The following UEVLD variants were observed in gnomAD, a reference collection of about 807,000 sequenced individuals.
The protein encoded by UEVLD is ubiquitin-conjugating enzyme E2 variant 3.
A neutral mutation model predicts 58.6 loss-of-function variants in UEVLD; 47 were observed. The observed-to-expected ratio is 0.80, with a 90% confidence interval of 0.63 to 1.02. The LOEUF (loss-of-function observed/expected upper bound fraction) is 1.02. Ranked by LOEUF, UEVLD falls within the 50% of genes least tolerant of loss-of-function variation. The pLI, the probability that UEVLD is intolerant of heterozygous loss-of-function variation, is 0.00. For missense variants in UEVLD, 510 were observed against 550.6 expected, an observed-to-expected ratio of 0.93 and a Z score of 0.74; for synonymous variants, 197 against 195.3, an observed-to-expected ratio of 1.01 and a Z score of -0.07.
chr11:18,535,211 T>A (rs1300602646), intron 10 of UEVLD, among the ~76,000 whole-genome samples: 2 of 152,208 alleles, frequency 1.3e-5, no homozygotes, highest in Non-Finnish European at 2.9e-5. Flanking sequence ...CTCAAACTCC[T>A]GGGCTCAACT....
chr11:18,557,084 C>T (rs749812869), intron 7 of UEVLD, among the ~76,000 whole-genome samples: 1 of 141,078 alleles, frequency 7.1e-6, no homozygotes, highest in Non-Finnish European at 1.5e-5. Context: ...GAGTGAAACC[C>T]CGACTCAAAA....
intron 6 of UEVLD, among the ~76,000 whole-genome samples, chr11:18,561,952 T>C (rs1852057309): frequency 4.6e-5 from 7 of 151,898 alleles, no homozygotes; most frequent in Admixed American, 4.6e-4. Flanking sequence ...CTAATAAGCA[T>C]TGTGTAAAGG....
At chr11:18,533,415 T>C (rs992955715) in intron 11 of UEVLD, among the ~76,000 whole-genome samples, 2 of 150,528 alleles carry the variant, frequency 1.3e-5, no homozygotes, top group African/African-American at 2.4e-5. Context: ...AGTGAGAATA[T>C]GTGATATTTG....
At chr11:18,557,585 A>G (rs548098054) in intron 7 of UEVLD, among the ~76,000 whole-genome samples, 8 of 141,470 alleles carry the variant, frequency 5.7e-5, no homozygotes, top group Non-Finnish European at 1.2e-4. Context: ...CAGGGTCTCG[A>G]TATGTTGCTC....
chr11:18,536,527 G>A, intron 9 of UEVLD, 58 bp from the exon 10 acceptor site: 1 of 1,410,992 alleles, frequency 7.1e-7, no homozygotes, highest in Admixed American at 1.7e-5. Context: ...ATTAAGATGT[G>A]ATAACAGATC....
chr11:18,551,518 G>A (rs988938394), intron 7 of UEVLD, among the ~76,000 whole-genome samples: 5 of 151,724 alleles, frequency 3.3e-5, no homozygotes, highest in African/African-American at 1.2e-4. Flanking sequence ...CACAGGTAAT[G>A]TGTTAGGCCC....
intron 7 of UEVLD, among the ~76,000 whole-genome samples, chr11:18,556,785 A>C (rs1009162833): frequency 2.0e-5 from 3 of 152,052 alleles, no homozygotes; most frequent in African/African-American, 7.2e-5. Context: ...AATACATGCA[A>C]ATTTTTTAAT....
chr11:18,578,885 TGAGACG>T, intron 1 of UEVLD, 77 bp from the exon 2 acceptor site: 1 of 1,007,588 alleles, frequency 9.9e-7, no homozygotes, highest in African/African-American at 1.6e-5. Context: ...TTTTTTTTTT[TGAGACG>T]GAGTCTCACT....
intron 1 of UEVLD, among the ~76,000 whole-genome samples, chr11:18,581,628 G>C (rs1420909539): frequency 1.1e-4 from 16 of 150,838 alleles, no homozygotes; most frequent in Admixed American, 1.1e-3. Context: ...AGGTTGCAAC[G>C]AGCTGGGATC....
chr11:18,536,568 T>C, intron 9 of UEVLD, 99 bp from the exon 10 acceptor site: 1 of 1,012,468 alleles, frequency 9.9e-7, no homozygotes, highest in Non-Finnish European at 1.5e-6. Context: ...GTGCTAATAT[T>C]TATATAGAAG....
At chr11:18,588,340 T>A (rs1853693196) in intron 1 of UEVLD, among the ~76,000 whole-genome samples, 1 of 152,170 alleles carries the variant, frequency 6.6e-6, no homozygotes, top group Non-Finnish European at 1.5e-5. Context: ...GTTAGGCGTG[T>A]GCTGGGAGCT....
At chr11:18,583,144 G>A (rs1053969626) in intron 1 of UEVLD, among the ~76,000 whole-genome samples, 3 of 150,932 alleles carry the variant, frequency 2.0e-5, no homozygotes, top group East Asian at 1.9e-4. Flanking sequence ...GGCTGGTCTC[G>A]AACTCCTGAG....
chr11:18,580,035 CTTTT>C (rs140542993), intron 1 of UEVLD, among the ~76,000 whole-genome samples: 2 of 85,416 alleles, frequency 2.3e-5, no homozygotes, highest in Non-Finnish European at 4.4e-5. Context: ...TCCCAGCTGG[CTTTT>C]TTTTTTTTTT....
At chr11:18,548,460 C>A (rs1387221710) in intron 7 of UEVLD, among the ~76,000 whole-genome samples, 1 of 152,136 alleles carries the variant, frequency 6.6e-6, no homozygotes, top group Non-Finnish European at 1.5e-5. Flanking sequence ...GAGTTTCGCT[C>A]TTGTTGCCCC....
intron 1 of UEVLD, 50 bp from the exon 2 acceptor site, chr11:18,578,858 G>T: frequency 7.3e-7 from 1 of 1,372,902 alleles, no homozygotes. Flanking sequence ...GTAAGCAAAA[G>T]AACAATTGCA....
intron 3 of UEVLD, among the ~76,000 whole-genome samples, chr11:18,573,554 T>C (rs1852739998): frequency 6.6e-6 from 1 of 152,242 alleles, no homozygotes; most frequent in African/African-American, 2.4e-5. Context: ...ATCAACTCTA[T>C]GCCTGTTCTG....
At chr11:18,560,282 T>C (rs1851976548) in intron 6 of UEVLD, among the ~76,000 whole-genome samples, 2 of 152,090 alleles carry the variant, frequency 1.3e-5, no homozygotes, top group South Asian at 2.1e-4. Context: ...CTCTAAAACA[T>C]AGTTATTAAT....
chr11:18,532,547 A>G, intron 11 of UEVLD, 60 bp from the exon 12 acceptor site: 2 of 1,348,376 alleles, frequency 1.5e-6, no homozygotes, highest in East Asian at 5.2e-5. Context: ...GTTAATACAA[A>G]AATGCATACT....
At chr11:18,544,461 C>A (rs1032484455) in intron 9 of UEVLD, among the ~76,000 whole-genome samples, 162 bp downstream of exon 9, 1 of 149,532 alleles carries the variant, frequency 6.7e-6, no homozygotes, top group African/African-American at 2.4e-5. Context: ...GCATGCACTA[C>A]CGTGCCTGGC....
Sources: gnomAD v4.1 joint callset for allele counts (sites outside exome capture counted in the v4.1 genomes callset) on GRCh38, gnomAD v4.1.1 for gene constraint, MANE v1.5 for transcripts, NCBI Gene and HGNC (gene_info 2026-07-23, HGNC 2026-07-21) for gene names.